The following LPXN variants were observed in gnomAD, a reference collection of about 807,000 sequenced individuals.
LPXN encodes leupaxin.
LPXN carries 28 observed loss-of-function variants against 45.6 expected under a neutral mutation model. That is an observed-to-expected ratio of 0.61 (90% CI 0.45 to 0.84). LPXN has a LOEUF of 0.84. Among genes scored for constraint, LPXN ranks in the 40% least tolerant of loss-of-function variants. The pLI, the probability that LPXN is intolerant of heterozygous loss-of-function variation, is 0.00. For missense variants in LPXN, 459 were observed against 475.0 expected, an observed-to-expected ratio of 0.97 and a Z score of 0.31; for synonymous variants, 166 against 169.9, an observed-to-expected ratio of 0.98 and a Z score of 0.18.
chr11:58,544,408 T>C (rs1425751376), intron 7 of LPXN, among the ~76,000 whole-genome samples: 3 of 152,180 alleles, frequency 2.0e-5, no homozygotes. Context: ...TGATGCTGCA[T>C]AAAGCAAATG....
At chr11:58,570,308 A>G (rs1393031260) in intron 2 of LPXN, among the ~76,000 whole-genome samples, 1 of 151,446 alleles carries the variant, frequency 6.6e-6, no homozygotes, top group African/African-American at 2.4e-5. Context: ...GTCTCAAAAA[A>G]TAAAAAAAAA....
At chr11:58,539,996 T>C (rs1378040048) in intron 7 of LPXN, among the ~76,000 whole-genome samples, 1 of 152,152 alleles carries the variant, frequency 6.6e-6, no homozygotes, top group Non-Finnish European at 1.5e-5. Flanking sequence ...TCAATAAAAG[T>C]GGTCAACCAG....
chr11:58,578,216 G>A (rs1854968540), upstream of LPXN: 1 of 820,884 alleles, frequency 1.2e-6, no homozygotes, highest in Admixed American at 3.3e-5. Context: ...CTTGAGCCCG[G>A]ATGTACGGCA....
intron 1 of LPXN, among the ~76,000 whole-genome samples, chr11:58,572,257 ATTTC>A (rs1001908490): frequency 2.6e-5 from 4 of 152,092 alleles, no homozygotes; most frequent in African/African-American, 9.7e-5. Flanking sequence ...AGGAATGAAT[ATTTC>A]TTAATGGCGT....
chr11:58,536,271 T>C (rs1196470272), intron 7 of LPXN, among the ~76,000 whole-genome samples: 3 of 152,194 alleles, frequency 2.0e-5, no homozygotes, highest in African/African-American at 7.2e-5. Context: ...ACTACAAGGC[T>C]ACAGTAACAA....
intron 1 of LPXN, among the ~76,000 whole-genome samples, chr11:58,574,120 G>A (rs1234382701): frequency 1.3e-5 from 2 of 152,214 alleles, no homozygotes; most frequent in East Asian, 1.9e-4. Context: ...CTGTTGAAGT[G>A]TAGCCATCAA....
intron 2 of LPXN, among the ~76,000 whole-genome samples, chr11:58,570,069 C>A (rs1854640159): frequency 6.6e-6 from 1 of 152,056 alleles, no homozygotes; most frequent in South Asian, 2.1e-4. Context: ...TTTGGGAGGC[C>A]AAGGCGGGTG....
At chr11:58,541,146 A>G (rs1297094852) in intron 7 of LPXN, among the ~76,000 whole-genome samples, 1 of 152,230 alleles carries the variant, frequency 6.6e-6, no homozygotes, top group African/African-American at 2.4e-5. Flanking sequence ...CTTCATGTCT[A>G]AAACAAAAAA....
intron 3 of LPXN, among the ~76,000 whole-genome samples, chr11:58,555,345 A>C (rs1402300549): frequency 2.6e-5 from 4 of 152,192 alleles, no homozygotes; most frequent in African/African-American, 9.7e-5. Context: ...TAGTCCACAA[A>C]AGCCTAACAA....
At chr11:58,575,573 C>A (rs891656685) in intron 1 of LPXN, among the ~76,000 whole-genome samples, 187 bp downstream of exon 1, 2 of 152,200 alleles carry the variant, frequency 1.3e-5, no homozygotes, top group African/African-American at 4.8e-5. Context: ...AAACAGTGAA[C>A]CCATAGTTCC....
chr11:58,536,486 T>A (rs1221069150), intron 7 of LPXN, among the ~76,000 whole-genome samples: 1 of 152,180 alleles, frequency 6.6e-6, no homozygotes, highest in Non-Finnish European at 1.5e-5. Context: ...ACCCCTTCCT[T>A]ACACCTTATA....
intron 7 of LPXN, among the ~76,000 whole-genome samples, chr11:58,544,990 C>T (rs1853836078): frequency 6.6e-6 from 1 of 152,128 alleles, no homozygotes; most frequent in Non-Finnish European, 1.5e-5. Flanking sequence ...ATTATAGAAA[C>T]TCTTTGTGAC....
chr11:58,543,569 G>C (rs192577791), intron 7 of LPXN, among the ~76,000 whole-genome samples: 1 of 152,218 alleles, frequency 6.6e-6, no homozygotes, highest in African/African-American at 2.4e-5. Context: ...TCTGAAGTAG[G>C]CTTTAGCCTC....
upstream of LPXN, chr11:58,578,206 C>CG: frequency 1.1e-6 from 1 of 927,110 alleles, no homozygotes; most frequent in Non-Finnish European, 1.5e-6. Flanking sequence ...TGGCTCGACG[C>CG]TTGAGCCCGG....
intron 5 of LPXN, among the ~76,000 whole-genome samples, chr11:58,550,599 C>T (rs1020008902): frequency 1.3e-5 from 2 of 152,024 alleles, no homozygotes; most frequent in East Asian, 1.9e-4. Context: ...CGGTGAAGGA[C>T]GATGCAGAAC....
At position 58,549,958 on chromosome 11, in the gene LPXN, C is replaced by T. The variant is rs745581211; in HGVS notation, c.660+15G>A. ...TGAGTGACTGAAAGCTGGAGAGGAG[C>T]GGGGATTTACTTACATCCAGGATGG... On this transcript the variant is annotated intron_variant, in intron 6 of 8. Transcript: ENST00000395074. 12 of 1,613,724 alleles carry T rather than the reference C, an allele frequency of 7.4e-6. No individual in the cohort carries two copies. Among genetic ancestry groups the T allele is most frequent in the South Asian group, 4.4e-5 (4 of 91,078 alleles).
Position 58,575,824 on chromosome 11 carries a change from G to T in LPXN, c.-52C>A. 1.2e-6 allele frequency: 2 copies of T among 1,614,110 alleles called. No individual in the cohort carries two copies. Among genetic ancestry groups the T allele is most frequent in the Non-Finnish European group, 1.7e-6 (2 of 1,180,002 alleles). On this transcript the variant is annotated 5_prime_UTR_variant, in exon 1 of 9. Coordinates refer to ENST00000395074, the MANE Select transcript of LPXN (RefSeq NM_004811.3). ...TCACAGGCCGTGAGGAACAGCTTTG[G>T]CATGTGCTGAAGAAGAGGACCGCAA...
At chr11:58,528,266 C>A in intron 7 of LPXN, 75 bp from the exon 8 acceptor site, 1 of 1,319,564 alleles carries the variant, frequency 7.6e-7, no homozygotes, top group Middle Eastern at 2.2e-4. Context: ...AGAGGAGGCC[C>A]TTTCAATCTC....
rs150312942 is a variant in LPXN at position 58,551,840 on chromosome 11, A to G, written c.319-608T>C. Among the ~76,000 whole-genome samples the G allele has an allele frequency of 2.6e-4, 40 of 152,374 alleles. No homozygotes were observed. The East Asian group carries it at 7.1e-3, about 27-fold the overall frequency. On this transcript the variant is annotated intron_variant, in intron 4 of 8. Transcript: ENST00000395074. Reference sequence around the variant, plus strand: ...GGCCCCTCTAAGGAAGTAATATTTGAGTAGATACTTGGGACTTAGAAATAT... The same window carrying G: ...GGCCCCTCTAAGGAAGTAATATTTGGGTAGATACTTGGGACTTAGAAATAT...
Sources: allele counts gnomAD v4.1 joint callset (sites outside exome capture counted in the v4.1 genomes callset), GRCh38; gene constraint gnomAD v4.1.1; transcripts MANE v1.5; gene names NCBI Gene and HGNC (gene_info 2026-07-23, HGNC 2026-07-21).